FBXL17: variants seen among roughly 807,000 people sequenced by gnomAD.
FBXL17 encodes F-box and leucine rich repeat protein 17, also known as F-box/LRR-repeat protein 17.
A neutral mutation model predicts 66.2 loss-of-function variants in FBXL17; 22 were observed. The observed-to-expected ratio is 0.33, with a 90% CI of 0.24 to 0.47. The LOEUF (loss-of-function observed/expected upper bound fraction) is 0.47, where lower values mean the gene tolerates loss of function less well. Among genes scored for constraint, FBXL17 ranks in the 20% least tolerant of loss-of-function variants. FBXL17 has a pLI of 1.00. For synonymous variants in FBXL17, 474 were observed against 400.5 expected (o/e 1.18, Z -2.19); for missense variants, 878 against 948.2 (o/e 0.93, Z 0.97).
rs184116421 is a variant in FBXL17, at chr5:108,193,098, A to T, written c.1615-6851T>A. Among the ~76,000 whole-genome samples the T allele has an allele frequency of 5.9e-5, 9 of 152,334 alleles. No homozygotes were observed. The East Asian group carries it at 1.7e-3, about 29-fold the overall frequency. ...AGTACCTAAATTAGTTCTTGCCAGT[A>T]CTGCACATATTGACTTTATTGGACC... On this transcript the variant is annotated intron_variant, in intron 5 of 8. Coordinates refer to ENST00000542267, the MANE Select transcript of FBXL17 (RefSeq NM_001163315.3).
Position 108,243,855 on chromosome 5 carries a change from T to C in FBXL17, c.1507-19627A>G, listed in dbSNP as rs191394263. On this transcript the variant is annotated intron_variant, in intron 4 of 8. Coordinates refer to ENST00000542267, the MANE Select transcript of FBXL17 (RefSeq NM_001163315.3). ...GAAATAGTATATACAATTTGAATTCTGAATCCTCTAATCATAAAGGATGAG... is the reference window on the plus strand; with the variant it reads ...GAAATAGTATATACAATTTGAATTCCGAATCCTCTAATCATAAAGGATGAG... 1.4e-4 allele frequency among the ~76,000 whole-genome samples: 22 copies of C among 152,304 alleles called. 1 individual carries two copies. Among genetic ancestry groups the C allele is most frequent in the South Asian group, 8.3e-4 (4 of 4,826 alleles).
At chr5:108,363,638 T>C (rs998198160) in intron 3 of FBXL17, among the ~76,000 whole-genome samples, 1 of 151,992 alleles carries the variant, frequency 6.6e-6, no homozygotes, top group Non-Finnish European at 1.5e-5. Flanking sequence ...GCATATTAAA[T>C]GTTGCTCCTT....
At chr5:107,926,606 C>G (rs1750533861) in intron 7 of FBXL17, among the ~76,000 whole-genome samples, 1 of 151,328 alleles carries the variant, frequency 6.6e-6, no homozygotes, top group Non-Finnish European at 1.5e-5. Flanking sequence ...CATCTAGTAG[C>G]TGGTTCTCAG....
chr5:108,326,249 A>G (rs1759843770), intron 4 of FBXL17, among the ~76,000 whole-genome samples: 1 of 152,090 alleles, frequency 6.6e-6, no homozygotes, highest in Non-Finnish European at 1.5e-5. Context: ...TTATATCAAA[A>G]ATATAGAACT....
At chr5:108,349,239 T>C (rs1192152716) in intron 3 of FBXL17, among the ~76,000 whole-genome samples, 1 of 152,260 alleles carries the variant, frequency 6.6e-6, no homozygotes, top group Non-Finnish European at 1.5e-5. Flanking sequence ...TAAGTTTTTA[T>C]AGTATAATCC....
At chr5:108,273,711 C>CA (rs1757370511) in intron 4 of FBXL17, among the ~76,000 whole-genome samples, 1 of 151,798 alleles carries the variant, frequency 6.6e-6, no homozygotes, top group Admixed American at 6.6e-5. Flanking sequence ...GAAAAAATAC[C>CA]AAAATTAGTT....
chr5:108,078,074 A>G (rs1748623123), intron 6 of FBXL17, among the ~76,000 whole-genome samples: 2 of 152,312 alleles, frequency 1.3e-5, no homozygotes, highest in East Asian at 1.9e-4. Flanking sequence ...TACTCCAGAC[A>G]TTAACCTTTG....
intron 4 of FBXL17, chr5:108,297,922 C>CA: frequency 1.0e-6 from 1 of 966,830 alleles, no homozygotes; most frequent in South Asian, 4.8e-5. Context: ...CATATATCTT[C>CA]AAAAATTTAC....
chr5:108,197,717 G>T lies in FBXL17; in HGVS notation c.1615-11470C>A, dbSNP rs80088618. 3.5e-3 allele frequency among the ~76,000 whole-genome samples: 539 copies of T among 152,138 alleles called. 4 individuals are homozygous for T. Among genetic ancestry groups the T allele is most frequent in the African/African-American group, 0.013 (522 of 41,532 alleles). On this transcript the variant is annotated intron_variant, in intron 5 of 8. Transcript: ENST00000542267. ...TGAAAAACAAAGGAATGATAGTAATGATTTTTAACTTAATGAATGTTATGT... is the reference window on the plus strand; with the variant it reads ...TGAAAAACAAAGGAATGATAGTAATTATTTTTAACTTAATGAATGTTATGT...
In FBXL17 at chr5:108,217,669, ATGTAC is replaced by A. The variant is rs1262915377; in HGVS notation, c.1614+6447_1614+6451del. On this transcript the variant is annotated intron_variant, in intron 5 of 8. Coordinates refer to ENST00000542267, the MANE Select transcript of FBXL17 (RefSeq NM_001163315.3). Reference sequence around the variant, plus strand: ...ATGTACTATATGTACTATGTACTATATGTACTACAGTCTATAGTCTATAGTCTATG... The same window carrying A: ...ATGTACTATATGTACTATGTACTATATACAGTCTATAGTCTATAGTCTATG... Among the ~76,000 whole-genome samples, 8 of 152,328 alleles carry A rather than the reference ATGTAC, an allele frequency of 5.3e-5. No individual in the cohort carries two copies. The South Asian group carries it at 1.7e-3, about 32-fold the overall frequency.
At chr5:108,236,022 T>C (rs1755585695) in intron 4 of FBXL17, among the ~76,000 whole-genome samples, 1 of 152,190 alleles carries the variant, frequency 6.6e-6, no homozygotes, top group Non-Finnish European at 1.5e-5. Flanking sequence ...TCAATAGCAA[T>C]ACTTTGATTC....
chr5:108,057,200 CA>C, intron 6 of FBXL17, among the ~76,000 whole-genome samples: 1 of 151,952 alleles, frequency 6.6e-6, no homozygotes, highest in Non-Finnish European at 1.5e-5. Context: ...ATCTAGTTTA[CA>C]AAAAAATGCC....
intron 6 of FBXL17, among the ~76,000 whole-genome samples, chr5:108,026,199 G>T (rs1361528435): frequency 1.3e-5 from 2 of 152,028 alleles, no homozygotes; most frequent in Non-Finnish European, 2.9e-5. Flanking sequence ...TAATACATTT[G>T]AATACAATTT....
intron 7 of FBXL17, among the ~76,000 whole-genome samples, chr5:107,881,395 T>C (rs1046268424): frequency 7.9e-5 from 12 of 152,218 alleles, no homozygotes; most frequent in African/African-American, 2.7e-4. Flanking sequence ...AATTTCCCTT[T>C]CATTGAACAC....
intron 4 of FBXL17, among the ~76,000 whole-genome samples, chr5:108,332,829 G>A (rs138456317): frequency 4.8e-4 from 71 of 148,902 alleles, no homozygotes; most frequent in African/African-American, 1.6e-3. Flanking sequence ...GGCTAGTTTC[G>A]AACTCCTGAC....
At chr5:107,907,035 A>AT (rs1456878413) in intron 7 of FBXL17, among the ~76,000 whole-genome samples, 2 of 152,206 alleles carry the variant, frequency 1.3e-5, no homozygotes, top group Non-Finnish European at 2.9e-5. Flanking sequence ...CACAATTAAT[A>AT]TCTTCGTAAA....
chr5:108,236,210 T>C (rs1755594355), intron 4 of FBXL17, among the ~76,000 whole-genome samples: 1 of 140,782 alleles, frequency 7.1e-6, no homozygotes, highest in Non-Finnish European at 1.6e-5. Context: ...ACCCTGTCTC[T>C]TAAAAAAAAC....
intron 6 of FBXL17, among the ~76,000 whole-genome samples, chr5:108,036,827 A>G (rs1276088443): frequency 2.6e-5 from 4 of 152,182 alleles, no homozygotes; most frequent in Admixed American, 6.5e-5. Context: ...ATTGTTATAT[A>G]CTTAGCATTT....
intron 6 of FBXL17, among the ~76,000 whole-genome samples, chr5:108,112,066 C>T (rs535757507): frequency 8.5e-5 from 13 of 152,158 alleles, no homozygotes; most frequent in Non-Finnish European, 1.8e-4. Flanking sequence ...AACAGTCTTG[C>T]TTGGCTTAGG....
Sources: gnomAD v4.1 joint callset for allele counts (sites outside exome capture counted in the v4.1 genomes callset) on GRCh38, gnomAD v4.1.1 for gene constraint, MANE v1.5 for transcripts, NCBI Gene and HGNC (gene_info 2026-07-23, HGNC 2026-07-21) for gene names.